The following PTPRJ variants were observed in gnomAD, a reference collection of about 807,000 sequenced individuals.
PTPRJ encodes receptor-type tyrosine-protein phosphatase eta.
Under a neutral mutation model 141.3 loss-of-function variants are expected in PTPRJ, and 129 were observed. That is an observed-to-expected ratio of 0.91 (90% CI 0.79 to 1.06). The LOEUF (loss-of-function observed/expected upper bound fraction) is 1.06, where lower values mean the gene tolerates loss of function less well. Ranked by LOEUF, PTPRJ falls within the 50% of genes least tolerant of loss-of-function variation. PTPRJ has a pLI of 0.00. For missense variants in PTPRJ, 1,601 were observed against 1,679.7 expected (o/e 0.95, Z 0.82); for synonymous variants, 610 against 640.5 (o/e 0.95, Z 0.72).
chr11:48,084,681 T>C (rs1855650910), intron 1 of PTPRJ, among the ~76,000 whole-genome samples: 1 of 152,156 alleles, frequency 6.6e-6, no homozygotes, highest in Non-Finnish European at 1.5e-5. Flanking sequence ...ATGTGAGCTC[T>C]GAAAGTCCCA....
rs551934826 is a variant in PTPRJ, at chr11:48,061,909, GTT to G, written c.97-48130_97-48129del. ...GGGATCATAATGGCACCAACTTATA[GTT>G]TTTTTTTTTTTTTTTTTTCTTTTGA... On this transcript the variant is annotated intron_variant, in intron 1 of 24. Coordinates refer to ENST00000418331, the MANE Select transcript of PTPRJ (RefSeq NM_002843.4). 4.5e-5 allele frequency among the ~76,000 whole-genome samples: 6 copies of G among 134,610 alleles called. 1 individual carries two copies. The highest frequency in any genetic ancestry group is 1.3e-4 in the African/African-American group (5 of 38,752). 88.3% of individuals were successfully genotyped at this position (134,610 alleles called of 152,430 possible).
rs1332022726 is a variant in PTPRJ, at chr11:48,137,053, A to G, written c.1924A>G (p.Thr642Ala). 1.2e-6 allele frequency: 2 copies of G among 1,605,390 alleles called. No individual in the cohort carries two copies. Among genetic ancestry groups the G allele is most frequent in the East Asian group, 2.2e-5 (1 of 44,848 alleles). The change falls in exon 10 of 25, where the codon ACT (threonine) becomes GCT (alanine). Residue 642 changes from threonine to alanine, a missense_variant. Thr to Ala is a moderately conservative substitution (Grantham distance 58). Transcript: ENST00000418331. Reference sequence around the variant, plus strand: ...TGTAAGTACCAACACCACAGCAGCAACTTTAAGTTGGCAGAACTTTGATGA... The same window carrying G: ...TGTAAGTACCAACACCACAGCAGCAGCTTTAAGTTGGCAGAACTTTGATGA... ...IDVSTNTTAA[T>A]LSWQNFDDAS...
intron 1 of PTPRJ, among the ~76,000 whole-genome samples, chr11:48,061,523 G>A (rs1227522261): frequency 6.6e-6 from 1 of 152,188 alleles, no homozygotes; most frequent in Non-Finnish European, 1.5e-5. Context: ...AATCCTGTAA[G>A]GGAGATACTA....
intron 11 of PTPRJ, 88 bp from the exon 12 acceptor site, chr11:48,142,831 G>C (rs927216441): frequency 6.9e-7 from 1 of 1,441,628 alleles, no homozygotes. Context: ...GTAAGATCTT[G>C]AGGAGGTTGC....
chr11:48,034,586 A>G (rs1854071515), intron 1 of PTPRJ, among the ~76,000 whole-genome samples: 2 of 152,180 alleles, frequency 1.3e-5, no homozygotes, highest in Admixed American at 6.5e-5. Context: ...ACTTGCATAT[A>G]CTGTATAAAG....
chr11:48,137,984 C>G (rs1857143826), intron 10 of PTPRJ, among the ~76,000 whole-genome samples: 1 of 152,220 alleles, frequency 6.6e-6, no homozygotes, highest in Non-Finnish European at 1.5e-5. Context: ...AAAGGCTTTG[C>G]AGACAGTGGT....
intron 21 of PTPRJ, among the ~76,000 whole-genome samples, chr11:48,159,119 T>TGGG (rs376124837): frequency 1.3e-3 from 21 of 16,732 alleles, no homozygotes; most frequent in Non-Finnish European, 1.8e-3. Flanking sequence ...TGTGTGTATG[T>TGGG]GGGGTGTGTG....
intron 1 of PTPRJ, among the ~76,000 whole-genome samples, chr11:48,013,523 G>T (rs925955337): frequency 7.9e-5 from 12 of 152,192 alleles, no homozygotes; most frequent in Admixed American, 5.9e-4. Flanking sequence ...GCCTAGGGAA[G>T]CTCTGTGGTA....
intron 1 of PTPRJ, among the ~76,000 whole-genome samples, chr11:48,028,069 G>C (rs1853872386): frequency 6.6e-6 from 1 of 152,184 alleles, no homozygotes. Flanking sequence ...CATGGGGCTT[G>C]CATATTAGAG....
At chr11:48,026,598 C>T (rs1208410147) in intron 1 of PTPRJ, among the ~76,000 whole-genome samples, 2 of 151,844 alleles carry the variant, frequency 1.3e-5, no homozygotes, top group African/African-American at 2.4e-5. Flanking sequence ...TACAGGCGCC[C>T]GCCACCATGC....
chr11:48,125,171 A>G lies in PTPRJ; in HGVS notation c.1078A>G (p.Ile360Val), dbSNP rs1261888610. The G allele has an allele frequency of 4.3e-6, 7 of 1,614,036 alleles. No homozygotes were observed. The highest frequency in any genetic ancestry group is 2.2e-5 in the East Asian group (1 of 44,890). ...TGGCACAGAAGGACAGCCCCAGGCC[A>G]TAGAGTTCAGGACAAGTAGGTTGAA... ...ANGTEGQPQA[I>V]EFRTNAIQVF... Residue 360 changes from isoleucine (I) to valine (V), a missense_variant, in exon 6 of 25, where the codon ATA (isoleucine) becomes GTA (valine). Coordinates refer to ENST00000418331, the MANE Select transcript of PTPRJ (RefSeq NM_002843.4).
intron 1 of PTPRJ, 29 bp downstream of exon 1, chr11:47,981,037 G>T (rs1308471189): frequency 1.2e-5 from 14 of 1,204,150 alleles, no homozygotes; most frequent in Middle Eastern, 6.5e-4. Context: ...CGGGCGGGGG[G>T]CAGGAGGCTG....
chr11:48,057,739 A>G (rs1164851150), intron 1 of PTPRJ, among the ~76,000 whole-genome samples: 1 of 152,152 alleles, frequency 6.6e-6, no homozygotes, highest in Non-Finnish European at 1.5e-5. Context: ...GACGTAGGGA[A>G]GAAGCATATT....
intron 1 of PTPRJ, among the ~76,000 whole-genome samples, chr11:48,106,298 G>A (rs374586922): frequency 1.3e-5 from 2 of 152,288 alleles, no homozygotes; most frequent in South Asian, 4.1e-4. Context: ...ATACAACCCT[G>A]TTCTGGTACT....
intron 1 of PTPRJ, among the ~76,000 whole-genome samples, chr11:48,060,237 A>G (rs1565282439): frequency 6.6e-6 from 1 of 152,216 alleles, no homozygotes; most frequent in Admixed American, 6.5e-5. Flanking sequence ...AGGTAGATTG[A>G]CGAAATAATA....
At chr11:48,073,976 C>T (rs978381812) in intron 1 of PTPRJ, among the ~76,000 whole-genome samples, 2 of 151,944 alleles carry the variant, frequency 1.3e-5, no homozygotes, top group African/African-American at 2.4e-5. Context: ...ATTTATAAGC[C>T]ATGTAGCATA....
At chr11:48,118,250 C>G (rs1014477513) in intron 3 of PTPRJ, among the ~76,000 whole-genome samples, 1 of 152,132 alleles carries the variant, frequency 6.6e-6, no homozygotes, top group African/African-American at 2.4e-5. Flanking sequence ...ATCCAGCTAA[C>G]TTTTAAAATT....
At chr11:48,006,866 C>T (rs1300402745) in intron 1 of PTPRJ, among the ~76,000 whole-genome samples, 1 of 152,176 alleles carries the variant, frequency 6.6e-6, no homozygotes, top group East Asian at 1.9e-4. Flanking sequence ...TGATGACTTG[C>T]TCTTGTTCTG....
intron 1 of PTPRJ, among the ~76,000 whole-genome samples, chr11:47,993,088 T>TA: frequency 6.6e-6 from 1 of 152,180 alleles, no homozygotes; most frequent in East Asian, 1.9e-4. Flanking sequence ...CTGCAGCAGG[T>TA]AAGCAGGAAG....
Sources: allele counts gnomAD v4.1 joint callset (sites outside exome capture counted in the v4.1 genomes callset), GRCh38; gene constraint gnomAD v4.1.1; transcripts MANE v1.5; gene names NCBI Gene and HGNC (gene_info 2026-07-23, HGNC 2026-07-21).